The following SPOCK1 variants were observed in gnomAD, a reference collection of about 807,000 sequenced individuals.
SPOCK1 encodes SPARC (osteonectin), cwcv and kazal like domains proteoglycan 1.
Under a neutral mutation model 55.3 loss-of-function variants are expected in SPOCK1, and 23 were observed. That is an observed-to-expected ratio of 0.42 (90% CI 0.30 to 0.59). The LOEUF is 0.59. Among genes scored for constraint, SPOCK1 ranks in the 20% least tolerant of loss-of-function variants. SPOCK1 has a pLI of 0.22. For synonymous variants in SPOCK1, 226 were observed against 221.0 expected (o/e 1.02, Z -0.20); for missense variants, 499 against 552.5 (o/e 0.90, Z 0.97).
intron 2 of SPOCK1, among the ~76,000 whole-genome samples, chr5:137,293,313 G>C (rs1292404479): frequency 1.3e-5 from 2 of 152,032 alleles, no homozygotes; most frequent in Non-Finnish European, 2.9e-5. Flanking sequence ...ATCTCAAGTG[G>C]ACCATGATGA....
At chr5:137,438,315 A>G (rs1752907023) in intron 2 of SPOCK1, among the ~76,000 whole-genome samples, 1 of 152,094 alleles carries the variant, frequency 6.6e-6, no homozygotes, top group Admixed American at 6.5e-5. Context: ...GATTAATATA[A>G]TGAAAGATAA....
intron 2 of SPOCK1, among the ~76,000 whole-genome samples, chr5:137,288,685 T>G (rs543126446): frequency 9.5e-4 from 144 of 152,304 alleles, no homozygotes; most frequent in Non-Finnish European, 1.7e-3. Flanking sequence ...CACAAAGATT[T>G]TTACATACAG....
At chr5:137,019,563 A>G (rs1172270555) in intron 6 of SPOCK1, among the ~76,000 whole-genome samples, 1 of 152,102 alleles carries the variant, frequency 6.6e-6, no homozygotes, top group African/African-American at 2.4e-5. Flanking sequence ...TCTTTCATAA[A>G]CAATGCGGTA....
chr5:137,180,177 C>T (rs11948526), intron 3 of SPOCK1, among the ~76,000 whole-genome samples: 1,587 of 152,296 alleles, frequency 0.01, 29 homozygotes, highest in African/African-American at 0.035. Context: ...TCTGTACCTA[C>T]CTGCACGGCA....
chr5:137,127,331 A>G (rs568703552), intron 4 of SPOCK1, among the ~76,000 whole-genome samples: 55 of 152,256 alleles, frequency 3.6e-4, no homozygotes, highest in Admixed American at 1.0e-3. Context: ...CAGCAGCTCC[A>G]TACCAGCAGA....
At chr5:137,479,922 C>A (rs1425380343) in intron 2 of SPOCK1, among the ~76,000 whole-genome samples, 1 of 152,098 alleles carries the variant, frequency 6.6e-6, no homozygotes, top group Non-Finnish European at 1.5e-5. Flanking sequence ...CCTGCCTGGC[C>A]CTCTAGAGGG....
intron 2 of SPOCK1, among the ~76,000 whole-genome samples, chr5:137,399,140 CAG>C (rs2127183043): frequency 6.6e-6 from 1 of 152,306 alleles, no homozygotes; most frequent in African/African-American, 2.4e-5. Flanking sequence ...TTTCGAGTCA[CAG>C]TAGCCTATGT....
At chr5:137,124,124 C>T (rs140222373) in intron 4 of SPOCK1, among the ~76,000 whole-genome samples, 9 of 152,198 alleles carry the variant, frequency 5.9e-5, no homozygotes, top group African/African-American at 1.7e-4. Context: ...TACCACAAGA[C>T]GAAGAAAATG....
In SPOCK1 at chr5:137,417,316, T is replaced by C. The variant is rs1752357684; in HGVS notation, c.186+81057A>G. 2.0e-5 allele frequency among the ~76,000 whole-genome samples: 3 copies of C among 150,990 alleles called. No homozygotes were observed. The South Asian group carries it at 6.3e-4, about 32-fold the overall frequency. On this transcript the variant is annotated intron_variant, in intron 2 of 10. Transcript: ENST00000394945. ...TTTACATTTTACTCTGACGTTCAGG[T>C]GTGTATAACCCATTTCTTTTTTTTT... is the stretch of plus-strand genomic sequence containing the variant.
chr5:137,133,628 G>T (rs1753925617), intron 4 of SPOCK1, among the ~76,000 whole-genome samples: 1 of 152,112 alleles, frequency 6.6e-6, no homozygotes. Context: ...ATAAAACCTT[G>T]TTCAGTGAAG....
At chr5:137,075,256 G>C (rs1752734766) in intron 5 of SPOCK1, among the ~76,000 whole-genome samples, 1 of 152,146 alleles carries the variant, frequency 6.6e-6, no homozygotes, top group South Asian at 2.1e-4. Context: ...TTGCCCAGTG[G>C]TGCTAGGAGA....
intron 2 of SPOCK1, among the ~76,000 whole-genome samples, chr5:137,398,465 G>A (rs1751903463): frequency 6.6e-6 from 1 of 152,084 alleles, no homozygotes; most frequent in Non-Finnish European, 1.5e-5. Context: ...AACTTATATG[G>A]TTCACGAAAA....
At chr5:137,176,261 C>A (rs1223515567) in intron 3 of SPOCK1, among the ~76,000 whole-genome samples, 1 of 152,188 alleles carries the variant, frequency 6.6e-6, no homozygotes, top group African/African-American at 2.4e-5. Context: ...ATATCCTCAA[C>A]CCCCTTCAGC....
At chr5:137,206,071 G>A (rs990062703) in intron 3 of SPOCK1, among the ~76,000 whole-genome samples, 4 of 152,158 alleles carry the variant, frequency 2.6e-5, no homozygotes, top group African/African-American at 4.8e-5. Flanking sequence ...GCAGCACAAC[G>A]ACTCAAAAGC....
chr5:137,325,491 C>T (rs370431811), intron 2 of SPOCK1, among the ~76,000 whole-genome samples: 2 of 152,288 alleles, frequency 1.3e-5, no homozygotes, highest in East Asian at 1.9e-4. Flanking sequence ...AAGAATTCTG[C>T]GTACATGCTT....
At chr5:137,257,453 A>C (rs1482096570) in intron 3 of SPOCK1, among the ~76,000 whole-genome samples, 2 of 152,114 alleles carry the variant, frequency 1.3e-5, no homozygotes, top group Non-Finnish European at 2.9e-5. Context: ...TTCCCCCAAC[A>C]TGAGGACACA....
intron 2 of SPOCK1, among the ~76,000 whole-genome samples, chr5:137,305,080 T>C (rs1757679869): frequency 6.6e-6 from 1 of 152,178 alleles, no homozygotes; most frequent in South Asian, 2.1e-4. Context: ...AATTTACCCA[T>C]AGCTTCAATT....
chr5:137,268,970 G>C (rs1335366667), intron 2 of SPOCK1, among the ~76,000 whole-genome samples: 2 of 129,522 alleles, frequency 1.5e-5, no homozygotes, highest in Non-Finnish European at 3.4e-5. Flanking sequence ...AGAAAGGTTT[G>C]AGCAAGTCTC....
intron 9 of SPOCK1, among the ~76,000 whole-genome samples, chr5:136,983,619 C>CA (rs11364379): frequency 0.015 from 2,096 of 135,358 alleles, 18 homozygotes; most frequent in African/African-American, 0.027. Flanking sequence ...CTCCTTGGAC[C>CA]AAAAAAAAAA....
Sources: allele counts gnomAD v4.1 joint callset (sites outside exome capture counted in the v4.1 genomes callset), GRCh38; gene constraint gnomAD v4.1.1; transcripts MANE v1.5; gene names NCBI Gene and HGNC (gene_info 2026-07-23, HGNC 2026-07-21).